Variants in CACHD1 observed in about 807,000 individuals in gnomAD.
The protein encoded by CACHD1 is cache domain containing 1, also known as VWFA and cache domain-containing protein 1.
Under a neutral mutation model 138.7 loss-of-function variants are expected in CACHD1, and 71 were observed. That is an observed-to-expected ratio of 0.51 (90% CI 0.42 to 0.62). The LOEUF (loss-of-function observed/expected upper bound fraction) is 0.62. Ranked by LOEUF, CACHD1 falls within the 20% of genes least tolerant of loss-of-function variation. The pLI is 0.00. For missense variants in CACHD1, 1,389 were observed against 1,625.3 expected (o/e 0.85, Z 2.50); for synonymous variants, 578 against 591.5 (o/e 0.98, Z 0.33).
chr1:64,492,350 G>A (rs1453670722), intron 1 of CACHD1, among the ~76,000 whole-genome samples: 2 of 43,316 alleles, frequency 4.6e-5, no homozygotes, highest in Non-Finnish European at 2.0e-4. Flanking sequence ...GGGAAGGATG[G>A]CCTTTATTCT....
At chr1:64,663,368 C>T (rs527406397) in intron 13 of CACHD1, among the ~76,000 whole-genome samples, 194 of 152,024 alleles carry the variant, frequency 1.3e-3, no homozygotes, top group African/African-American at 4.3e-3. Context: ...CTGGCTAACA[C>T]GGTGAAACCC....
intron 3 of CACHD1, among the ~76,000 whole-genome samples, chr1:64,583,904 T>C (rs1018658331): frequency 3.9e-5 from 6 of 152,134 alleles, no homozygotes; most frequent in African/African-American, 1.4e-4. Context: ...TCCCATGATA[T>C]GTGGGGATTA....
At chr1:64,605,685 G>T (rs568293137) in intron 4 of CACHD1, among the ~76,000 whole-genome samples, 2 of 152,178 alleles carry the variant, frequency 1.3e-5, no homozygotes, top group East Asian at 3.9e-4. Context: ...ATGGTCCCCT[G>T]CCAAGACCAC....
chr1:64,603,515 G>T (rs891893771), intron 4 of CACHD1, among the ~76,000 whole-genome samples: 4 of 152,056 alleles, frequency 2.6e-5, no homozygotes, highest in Admixed American at 2.6e-4. Context: ...TATTTTAAAG[G>T]TTATTTTAGA....
rs563973400 is a variant in CACHD1, at chr1:64,681,718, G to A, written c.3485-287G>A. On this transcript the variant is annotated intron_variant, in intron 25 of 26. Coordinates refer to ENST00000651257, the MANE Select transcript of CACHD1 (RefSeq NM_020925.4). The stretch of plus-strand genomic sequence containing the variant: ...TGTACAACTCAGGGAGGAAAAAAGA[G>A]CATTTTCTTTATCAAAAGAGATTTC... Among the ~76,000 whole-genome samples the A allele has an allele frequency of 5.1e-4, 77 of 151,946 alleles. No homozygotes were observed. In the South Asian group the frequency reaches 5.4e-3, roughly 11 times the overall value.
chr1:64,593,949 C>T (rs534086709), intron 3 of CACHD1, among the ~76,000 whole-genome samples: 1 of 152,262 alleles, frequency 6.6e-6, no homozygotes, highest in South Asian at 2.1e-4. Context: ...CCTCCCTCAT[C>T]CCCACTTTTA....
At chr1:64,607,403 A>G (rs890725462) in intron 4 of CACHD1, among the ~76,000 whole-genome samples, 11 of 152,162 alleles carry the variant, frequency 7.2e-5, no homozygotes, top group African/African-American at 2.7e-4. Flanking sequence ...GAGCTTGTCA[A>G]GGGTTGTTTG....
chr1:64,558,093 G>C (rs1646812119), intron 2 of CACHD1, among the ~76,000 whole-genome samples: 1 of 152,108 alleles, frequency 6.6e-6, no homozygotes, highest in African/African-American at 2.4e-5. Flanking sequence ...CACCACACCA[G>C]GCCCTCTGCC....
chr1:64,539,298 G>A lies in CACHD1; in HGVS notation c.199-11296G>A, dbSNP rs547252593. ...CTCCCCAGTTAAAAATCCTTTTAACGGCTATTTATTTCTTGGCAAATATAC... is the reference window on the plus strand; with the variant it reads ...CTCCCCAGTTAAAAATCCTTTTAACAGCTATTTATTTCTTGGCAAATATAC... On this transcript the variant is annotated intron_variant, in intron 1 of 26. Transcript: ENST00000651257. Among the ~76,000 whole-genome samples the A allele has an allele frequency of 8.5e-5, 13 of 152,150 alleles. 1 individual carries two copies. The South Asian group carries it at 2.7e-3, about 32-fold the overall frequency.
intron 1 of CACHD1, among the ~76,000 whole-genome samples, chr1:64,533,847 G>A (rs1320521306): frequency 6.6e-6 from 1 of 150,376 alleles, no homozygotes; most frequent in Non-Finnish European, 1.5e-5. Flanking sequence ...CCGCCTCCTG[G>A]GTTCACGCCA....
At chr1:64,594,985 A>T (rs902694684) in intron 3 of CACHD1, among the ~76,000 whole-genome samples, 1 of 152,158 alleles carries the variant, frequency 6.6e-6, no homozygotes, top group Non-Finnish European at 1.5e-5. Flanking sequence ...TAACATTGGG[A>T]TAGTATTCCT....
At chr1:64,519,577 A>G (rs1646482945) in intron 1 of CACHD1, among the ~76,000 whole-genome samples, 1 of 152,194 alleles carries the variant, frequency 6.6e-6, no homozygotes, top group Non-Finnish European at 1.5e-5. Context: ...AAATAAAAAG[A>G]AAAGCATTAC....
At chr1:64,668,370 C>G (rs557416076) in intron 16 of CACHD1, among the ~76,000 whole-genome samples, 1 of 149,980 alleles carries the variant, frequency 6.7e-6, no homozygotes, top group African/African-American at 2.5e-5. Flanking sequence ...AACCCAGGTT[C>G]AGCCAAATGC....
intron 19 of CACHD1, among the ~76,000 whole-genome samples, chr1:64,674,732 C>A (rs996853497): frequency 2.0e-5 from 3 of 152,180 alleles, no homozygotes; most frequent in African/African-American, 7.2e-5. Context: ...CCTAGTGTAT[C>A]TGACACACAT....
chr1:64,527,240 C>G (rs569878630), intron 1 of CACHD1, among the ~76,000 whole-genome samples: 1 of 152,300 alleles, frequency 6.6e-6, no homozygotes, highest in African/African-American at 2.4e-5. Context: ...TGCCTTGAAG[C>G]TGGGATCCAT....
chr1:64,551,190 G>A (rs1326866931), intron 2 of CACHD1, among the ~76,000 whole-genome samples: 3 of 151,774 alleles, frequency 2.0e-5, no homozygotes, highest in Non-Finnish European at 4.4e-5. Context: ...TTGGATGTTG[G>A]CTTCTTTTGT....
chr1:64,511,948 CAT>C (rs1392157210), intron 1 of CACHD1, among the ~76,000 whole-genome samples: 2 of 152,144 alleles, frequency 1.3e-5, no homozygotes, highest in African/African-American at 4.8e-5. Context: ...AAGCATTTGG[CAT>C]AGTCACTGGC....
chr1:64,651,404 T>C (rs916094271), intron 9 of CACHD1, among the ~76,000 whole-genome samples: 10 of 152,194 alleles, frequency 6.6e-5, no homozygotes, highest in African/African-American at 2.4e-4. Context: ...TGGGGTATAG[T>C]AATAATACCT....
chr1:64,682,001 A>G lies in CACHD1; in HGVS notation c.3485-4A>G, dbSNP rs1196403272. On this transcript the variant is annotated splice_region_variant and splice_polypyrimidine_tract_variant and intron_variant, in intron 25 of 26. Transcript: ENST00000651257. The stretch of plus-strand genomic sequence containing the variant: ...TGACATTAACTGTCCTTGGCTTCCT[A>G]CAGTCAGCAACACTCGGTTTATAGC... 1 of 1,613,820 alleles carries G rather than the reference A, an allele frequency of 6.2e-7. No individual in the cohort carries two copies. The highest frequency in any genetic ancestry group is 8.5e-7 in the Non-Finnish European group (1 of 1,179,756).
Sources: gnomAD v4.1 joint callset for allele counts (sites outside exome capture counted in the v4.1 genomes callset) on GRCh38, gnomAD v4.1.1 for gene constraint, MANE v1.5 for transcripts, NCBI Gene and HGNC (gene_info 2026-07-23, HGNC 2026-07-21) for gene names.